The following PCDHA7 variants were observed in gnomAD, a reference collection of about 807,000 sequenced individuals.
PCDHA7 encodes protocadherin alpha-7.
A neutral mutation model predicts 57.2 loss-of-function variants in PCDHA7; 37 were observed. That is an observed-to-expected ratio of 0.65 (90% CI 0.50 to 0.85). The LOEUF is 0.85. Ranked by LOEUF, PCDHA7 falls within the 40% of genes least tolerant of loss-of-function variation. PCDHA7 has a pLI of 0.00. For missense variants in PCDHA7, 1,188 were observed against 1,241.8 expected (o/e 0.96, Z 0.65); for synonymous variants, 553 against 558.8 (o/e 0.99, Z 0.15).
intron 1 of PCDHA7, among the ~76,000 whole-genome samples, chr5:140,962,154 C>T (rs1447978704): frequency 3.9e-5 from 6 of 152,210 alleles, no homozygotes; most frequent in Admixed American, 1.3e-4. Context: ...GGATTACAGG[C>T]GTGAGCCACC....
At chr5:141,006,108 T>C (rs1268824828) in intron 3 of PCDHA7, among the ~76,000 whole-genome samples, 5 of 151,864 alleles carry the variant, frequency 3.3e-5, no homozygotes. Context: ...GTAAGGAGTT[T>C]TTTTTTTTTT....
At chr5:140,966,809 C>T (rs1335148442) in intron 1 of PCDHA7, 5 of 1,547,376 alleles carry the variant, frequency 3.2e-6, no homozygotes, top group African/African-American at 1.4e-5. Flanking sequence ...AGAGCATCCA[C>T]GGCTCCGGCG....
chr5:140,970,873 A>G (rs138100298), intron 1 of PCDHA7, among the ~76,000 whole-genome samples: 80 of 152,316 alleles, frequency 5.3e-4, no homozygotes, highest in African/African-American at 1.8e-3. Context: ...GATTGAGAGT[A>G]GATTTTTCTC....
intron 1 of PCDHA7, chr5:140,858,724 G>A: frequency 2.0e-6 from 1 of 491,474 alleles, no homozygotes; most frequent in South Asian, 3.0e-5. Flanking sequence ...TTGCAGTTCT[G>A]ACGATTTACT....
At chr5:140,894,554 G>GA (rs1204407145) in intron 1 of PCDHA7, among the ~76,000 whole-genome samples, 2 of 151,600 alleles carry the variant, frequency 1.3e-5, no homozygotes, top group Non-Finnish European at 2.9e-5. Flanking sequence ...GTTTACTTCT[G>GA]AAAAAATTAT....
chr5:140,876,575 T>C (rs2153342882), intron 1 of PCDHA7: 1 of 1,614,152 alleles, frequency 6.2e-7, no homozygotes, highest in South Asian at 1.1e-5. Context: ...GTGGGTACCG[T>C]CATTGCCCTG....
chr5:140,859,463 A>C (rs1189832254), intron 1 of PCDHA7: 1 of 215,224 alleles, frequency 4.6e-6, no homozygotes, highest in African/African-American at 2.3e-5. Context: ...ACAAAACTAC[A>C]CTATCAATTG....
intron 1 of PCDHA7, among the ~76,000 whole-genome samples, chr5:140,901,839 A>G (rs578262204): frequency 6.6e-6 from 1 of 152,226 alleles, no homozygotes; most frequent in Admixed American, 6.5e-5. Context: ...TAAACATGCA[A>G]TATCTTTCCA....
At chr5:140,838,888 C>G (rs2150293453) in intron 1 of PCDHA7, among the ~76,000 whole-genome samples, 1 of 151,810 alleles carries the variant, frequency 6.6e-6, no homozygotes, top group East Asian at 1.9e-4. Flanking sequence ...GAACTCCAGC[C>G]TAGGTGACAG....
chr5:140,966,075 T>C (rs1164431515), intron 1 of PCDHA7: 1 of 153,402 alleles, frequency 6.5e-6, no homozygotes, highest in Non-Finnish European at 1.4e-5. Context: ...CCCTGCGTTG[T>C]TTCCTTTTAA....
chr5:140,927,822 T>A (rs1554205109), intron 1 of PCDHA7: 1 of 1,614,152 alleles, frequency 6.2e-7, no homozygotes, highest in Admixed American at 1.7e-5. Context: ...AGGCATACAT[T>A]GAGGCGAGGG....
At chr5:141,008,299 C>T (rs1223779122) in intron 3 of PCDHA7, among the ~76,000 whole-genome samples, 2 of 152,120 alleles carry the variant, frequency 1.3e-5, no homozygotes, top group Non-Finnish European at 2.9e-5. Flanking sequence ...TGTACCCAAC[C>T]CTAAACTGTA....
rs563698448 is a variant in PCDHA7 at position 140,899,116 on chromosome 5, T to G, written c.2355+62378T>G. On this transcript the variant is annotated intron_variant, in intron 1 of 3. Transcript: ENST00000525929. ...CTGAGATAATGGGGTTTTCTAGATA[T>G]ACAATCATGTCTTCTGCAAACAGGG... 5.8e-3 allele frequency among the ~76,000 whole-genome samples: 880 copies of G among 152,244 alleles called. 11 individuals are homozygous for G. Among genetic ancestry groups the G allele is most frequent in the African/African-American group, 0.019 (802 of 41,486 alleles).
chr5:140,926,890 A>C, intron 1 of PCDHA7: 2 of 1,543,874 alleles, frequency 1.3e-6, no homozygotes, highest in Non-Finnish European at 1.7e-6. Context: ...GCCTAGAGGG[A>C]GGATGGTGGG....
At chr5:140,936,630 T>C (rs1309907947) in intron 1 of PCDHA7, among the ~76,000 whole-genome samples, 1 of 152,234 alleles carries the variant, frequency 6.6e-6, no homozygotes, top group Non-Finnish European at 1.5e-5. Context: ...GCTACCTTTG[T>C]CATAAGCAAC....
intron 1 of PCDHA7, among the ~76,000 whole-genome samples, chr5:140,901,039 A>G (rs1317910770): frequency 4.6e-5 from 7 of 152,086 alleles, no homozygotes; most frequent in Non-Finnish European, 8.8e-5. Flanking sequence ...TCTTTTGCCC[A>G]TTTTAAAATT....
rs186566632 is a variant in PCDHA7, at chr5:140,947,652, T to C, written c.2356-31297T>C. 6.7e-3 allele frequency among the ~76,000 whole-genome samples: 1,010 copies of C among 151,752 alleles called. 2 individuals are homozygous for C. Among genetic ancestry groups the C allele is most frequent in the Non-Finnish European group, 0.01 (702 of 67,572 alleles). On this transcript the variant is annotated intron_variant, in intron 1 of 3. Transcript: ENST00000525929. ...ATCAGATCGTATGAACATATATACCTCCATTTACTTGGGTCTTTAAAAAAT... is the reference window on the plus strand; with the variant it reads ...ATCAGATCGTATGAACATATATACCCCCATTTACTTGGGTCTTTAAAAAAT...
chr5:140,871,208 C>G, intron 1 of PCDHA7: 1 of 1,613,802 alleles, frequency 6.2e-7, no homozygotes, highest in Non-Finnish European at 8.5e-7. Context: ...CTGATCATCG[C>G]CATCTGCGTG....
chr5:140,937,378 G>T (rs1248709474), intron 1 of PCDHA7, among the ~76,000 whole-genome samples: 1 of 152,130 alleles, frequency 6.6e-6, no homozygotes, highest in African/African-American at 2.4e-5. Context: ...GTTTATGTGT[G>T]TGTATGTGTA....
Sources: gnomAD v4.1 joint callset for allele counts (sites outside exome capture counted in the v4.1 genomes callset) on GRCh38, gnomAD v4.1.1 for gene constraint, MANE v1.5 for transcripts, NCBI Gene and HGNC (gene_info 2026-07-23, HGNC 2026-07-21) for gene names.